CSMD3: variants seen among roughly 807,000 people sequenced by gnomAD.
The protein encoded by CSMD3 is CUB and sushi domain-containing protein 3.
A neutral mutation model predicts 435.2 loss-of-function variants in CSMD3; 177 were observed. The observed-to-expected ratio is 0.41, with a 90% CI of 0.36 to 0.46. The LOEUF is 0.46. CSMD3 is among the 20% of genes least tolerant of loss of function. The pLI is 0.34. For synonymous variants in CSMD3, 1,656 were observed against 1,520.5 expected (o/e 1.09, Z -2.07); for missense variants, 4,265 against 4,504.6 (o/e 0.95, Z 1.52).
intron 2 of CSMD3, among the ~76,000 whole-genome samples, chr8:113,297,041 A>G (rs2132560590): frequency 6.6e-6 from 1 of 152,284 alleles, no homozygotes. Context: ...CCTTTCTTGT[A>G]TGCTGTAAGA....
intron 5 of CSMD3, among the ~76,000 whole-genome samples, chr8:113,057,163 C>T (rs959370759): frequency 2.6e-5 from 4 of 152,120 alleles, no homozygotes; most frequent in African/African-American, 9.7e-5. Context: ...AATAGGCCCT[C>T]CCTACTGCAG....
intron 27 of CSMD3, among the ~76,000 whole-genome samples, chr8:112,531,057 C>T (rs898437808): frequency 6.6e-6 from 1 of 152,108 alleles, no homozygotes; most frequent in African/African-American, 2.4e-5. Flanking sequence ...TCACCCCTCC[C>T]CTAACACAGT....
intron 9 of CSMD3, among the ~76,000 whole-genome samples, chr8:112,942,657 C>T (rs1457759793): frequency 6.6e-6 from 1 of 151,686 alleles, no homozygotes; most frequent in Non-Finnish European, 1.5e-5. Flanking sequence ...AAGAACTAAA[C>T]ATTGAGTACA....
intron 6 of CSMD3, among the ~76,000 whole-genome samples, chr8:113,002,988 C>T (rs960962086): frequency 2.6e-5 from 4 of 151,918 alleles, no homozygotes; most frequent in Non-Finnish European, 5.9e-5. Context: ...GTCTGTAATC[C>T]CAGCACTTTG....
intron 54 of CSMD3, 88 bp from the exon 55 acceptor site, chr8:112,292,798 C>A (rs1238338007): frequency 2.6e-6 from 3 of 1,153,590 alleles, no homozygotes; most frequent in East Asian, 5.0e-5. Context: ...TATACTTAAT[C>A]ATTTCAAACA....
chr8:112,810,441 G>A (rs987054904), intron 12 of CSMD3, among the ~76,000 whole-genome samples: 1 of 152,048 alleles, frequency 6.6e-6, no homozygotes, highest in African/African-American at 2.4e-5. Context: ...AAGTTAATTA[G>A]CTTTGGGACA....
intron 5 of CSMD3, among the ~76,000 whole-genome samples, chr8:113,056,829 G>T (rs1475257733): frequency 6.6e-6 from 1 of 152,078 alleles, no homozygotes; most frequent in African/African-American, 2.4e-5. Flanking sequence ...TATAACCTAT[G>T]TGTCACTGCT....
At chr8:112,681,852 G>C (rs1586957159) in intron 16 of CSMD3, among the ~76,000 whole-genome samples, 2 of 152,056 alleles carry the variant, frequency 1.3e-5, no homozygotes, top group African/African-American at 4.8e-5. Flanking sequence ...GGGCAACAGA[G>C]TGAGAATCGG....
intron 3 of CSMD3, among the ~76,000 whole-genome samples, chr8:113,222,766 A>G (rs964233948): frequency 1.3e-5 from 2 of 151,112 alleles, no homozygotes; most frequent in Non-Finnish European, 3.0e-5. Context: ...AATCAAGCAT[A>G]AGAGTTGTGA....
chr8:113,019,681 T>G (rs1011745574), intron 5 of CSMD3, among the ~76,000 whole-genome samples: 1 of 79,152 alleles, frequency 1.3e-5, no homozygotes, highest in African/African-American at 7.5e-5. Flanking sequence ...TCGAAAGACC[T>G]CATAAATTGA....
chr8:112,637,399 A>C (rs2074692054), intron 21 of CSMD3, among the ~76,000 whole-genome samples: 1 of 114,090 alleles, frequency 8.8e-6, no homozygotes, highest in African/African-American at 3.7e-5. Flanking sequence ...CACTTTTGAA[A>C]TGCTTTTGCT....
chr8:112,323,687 A>G (rs1163623054), intron 45 of CSMD3, among the ~76,000 whole-genome samples: 1 of 152,022 alleles, frequency 6.6e-6, no homozygotes, highest in Non-Finnish European at 1.5e-5. Context: ...CTAGTAAACT[A>G]ATACACCTGT....
chr8:113,238,074 CAAA>C (rs34316809), intron 3 of CSMD3, among the ~76,000 whole-genome samples: 17 of 77,560 alleles, frequency 2.2e-4, no homozygotes, highest in Non-Finnish European at 2.5e-4. Context: ...GACTCCATCT[CAAA>C]AAAAAAAAAA....
rs567295816 is a variant in CSMD3 at position 112,631,605 on chromosome 8, C to T, written c.3715+5212G>A. Among the ~76,000 whole-genome samples the T allele has an allele frequency of 2.8e-4, 42 of 152,140 alleles. 1 individual carries two copies. The South Asian group carries it at 7.7e-3, about 28-fold the overall frequency. ...AACTGCTAAAAAGGAATAACACCTC[C>T]TCTGCTTACTTCATAAGGTTGTGAG... is the stretch of plus-strand genomic sequence containing the variant. On this transcript the variant is annotated intron_variant, in intron 22 of 70. Transcript: ENST00000297405.
intron 30 of CSMD3, among the ~76,000 whole-genome samples, chr8:112,493,540 T>C (rs538828132): frequency 5.3e-5 from 8 of 152,252 alleles, no homozygotes; most frequent in African/African-American, 1.9e-4. Flanking sequence ...AGGTCTCCCA[T>C]TGTAAAATAG....
chr8:112,342,625 C>G (rs928877610), intron 41 of CSMD3, among the ~76,000 whole-genome samples: 9 of 151,812 alleles, frequency 5.9e-5, no homozygotes, highest in Non-Finnish European at 1.3e-4. Flanking sequence ...ACACAATGAC[C>G]CAGTAGGCTT....
At chr8:112,714,229 T>G (rs2094761886) in intron 13 of CSMD3, among the ~76,000 whole-genome samples, 1 of 149,978 alleles carries the variant, frequency 6.7e-6, no homozygotes, top group African/African-American at 2.5e-5. Flanking sequence ...TGGAGAAAAA[T>G]TTACCAAGCA....
intron 1 of CSMD3, among the ~76,000 whole-genome samples, chr8:113,385,485 GC>G (rs1244657061): frequency 6.6e-6 from 1 of 152,058 alleles, no homozygotes; most frequent in Non-Finnish European, 1.5e-5. Flanking sequence ...TGAATGGTGT[GC>G]CAGGTCTCAA....
intron 59 of CSMD3, among the ~76,000 whole-genome samples, chr8:112,266,868 G>A (rs1586593173): frequency 6.6e-6 from 1 of 152,218 alleles, no homozygotes; most frequent in East Asian, 1.9e-4. Context: ...TACCAGCTAA[G>A]AAAACGAAAA....
Sources: gnomAD v4.1 joint callset for allele counts (sites outside exome capture counted in the v4.1 genomes callset) on GRCh38, gnomAD v4.1.1 for gene constraint, MANE v1.5 for transcripts, NCBI Gene and HGNC (gene_info 2026-07-23, HGNC 2026-07-21) for gene names.